The following CPQ variants were observed in gnomAD, a reference collection of about 807,000 sequenced individuals.
CPQ encodes Ser-Met dipeptidase.
CPQ carries 37 observed loss-of-function variants against 45.7 expected under a neutral mutation model. That is an observed-to-expected ratio of 0.81 (90% CI 0.62 to 1.07). The LOEUF is 1.07. Ranked by LOEUF, CPQ falls within the 50% of genes least tolerant of loss-of-function variation. The pLI is 0.00. For synonymous variants in CPQ, 186 were observed against 205.8 expected, an observed-to-expected ratio of 0.90 and a Z score of 0.82; for missense variants, 537 against 572.9, an observed-to-expected ratio of 0.94 and a Z score of 0.64.
intron 7 of CPQ, among the ~76,000 whole-genome samples, chr8:97,071,042 C>T (rs893398831): frequency 4.6e-5 from 7 of 152,170 alleles, no homozygotes; most frequent in African/African-American, 1.2e-4. Flanking sequence ...AATGAGCCCA[C>T]TCTTACTCTA....
At chr8:96,864,276 C>T (rs1811967966) in intron 3 of CPQ, among the ~76,000 whole-genome samples, 1 of 151,996 alleles carries the variant, frequency 6.6e-6, no homozygotes, top group African/African-American at 2.4e-5. Context: ...TCCCCACTCT[C>T]CAGATTTGGC....
chr8:97,010,047 A>G (rs1809457566), intron 5 of CPQ, among the ~76,000 whole-genome samples: 1 of 152,208 alleles, frequency 6.6e-6, no homozygotes. Flanking sequence ...CATAGTAGAT[A>G]CCAGTAGGAA....
chr8:97,133,804 G>C (rs956316498), intron 7 of CPQ, among the ~76,000 whole-genome samples: 15 of 152,216 alleles, frequency 9.9e-5, no homozygotes, highest in Non-Finnish European at 1.8e-4. Flanking sequence ...ACAGTAAGCA[G>C]TGAGTCAAAA....
At chr8:96,727,766 C>T (rs1490639443) in intron 1 of CPQ, among the ~76,000 whole-genome samples, 1 of 152,126 alleles carries the variant, frequency 6.6e-6, no homozygotes, top group African/African-American at 2.4e-5. Flanking sequence ...ATAACACTAT[C>T]AGGAGCAGTG....
chr8:97,062,141 A>G (rs1032696276), intron 6 of CPQ, among the ~76,000 whole-genome samples: 1 of 150,404 alleles, frequency 6.6e-6, no homozygotes, highest in Non-Finnish European at 1.5e-5. Context: ...AGGACCAGGA[A>G]ACACTTAATG....
At chr8:96,773,525 G>T (rs1351190966) in intron 1 of CPQ, among the ~76,000 whole-genome samples, 1 of 152,118 alleles carries the variant, frequency 6.6e-6, no homozygotes, top group East Asian at 1.9e-4. Context: ...AATCAGACCA[G>T]TATAAAGAAA....
chr8:96,665,503 A>G (rs1372572846), intron 1 of CPQ, among the ~76,000 whole-genome samples: 1 of 152,232 alleles, frequency 6.6e-6, no homozygotes, highest in Non-Finnish European at 1.5e-5. Context: ...CTTAACAGAA[A>G]GAGGGAAATC....
At chr8:96,717,925 C>T (rs1009656656) in intron 1 of CPQ, among the ~76,000 whole-genome samples, 2 of 152,204 alleles carry the variant, frequency 1.3e-5, no homozygotes, top group African/African-American at 4.8e-5. Context: ...GTAAGCCCTA[C>T]TTAGCTCCTA....
At chr8:96,896,544 T>G (rs1340993155) in intron 4 of CPQ, among the ~76,000 whole-genome samples, 1 of 152,174 alleles carries the variant, frequency 6.6e-6, no homozygotes, top group Non-Finnish European at 1.5e-5. Context: ...TGTTGATTGT[T>G]TCAATAAAAT....
intron 6 of CPQ, among the ~76,000 whole-genome samples, chr8:97,044,720 C>T (rs1286312922): frequency 6.6e-6 from 1 of 152,204 alleles, no homozygotes; most frequent in Non-Finnish European, 1.5e-5. Flanking sequence ...CCCTCAGCTG[C>T]AGGTCTGTTG....
At chr8:96,876,204 T>C (rs1812143109) in intron 3 of CPQ, among the ~76,000 whole-genome samples, 1 of 151,986 alleles carries the variant, frequency 6.6e-6, no homozygotes, top group Admixed American at 6.6e-5. Context: ...TCTAATCGTT[T>C]TGTGTGTGTA....
At chr8:97,103,208 G>A (rs1231561406) in intron 7 of CPQ, among the ~76,000 whole-genome samples, 20 of 152,084 alleles carry the variant, frequency 1.3e-4, no homozygotes. Context: ...TAAGGAAAAG[G>A]TGACACTCAC....
At chr8:97,018,343 A>C (rs1008681755) in intron 5 of CPQ, among the ~76,000 whole-genome samples, 2 of 152,186 alleles carry the variant, frequency 1.3e-5, no homozygotes, top group African/African-American at 2.4e-5. Flanking sequence ...ACATCCCCCC[A>C]AAAAATCACA....
intron 3 of CPQ, among the ~76,000 whole-genome samples, chr8:96,859,168 G>T (rs1294270105): frequency 6.6e-6 from 1 of 152,212 alleles, no homozygotes; most frequent in Non-Finnish European, 1.5e-5. Context: ...AGTTGCATCA[G>T]AACAGGTTGC....
intron 1 of CPQ, among the ~76,000 whole-genome samples, chr8:96,664,756 A>T (rs1808897942): frequency 6.6e-6 from 1 of 152,224 alleles, no homozygotes; most frequent in Non-Finnish European, 1.5e-5. Flanking sequence ...GCCAAGATTA[A>T]TCTGAAATGG....
At chr8:97,010,274 G>A (rs577301097) in intron 5 of CPQ, among the ~76,000 whole-genome samples, 47 of 152,194 alleles carry the variant, frequency 3.1e-4, no homozygotes, top group African/African-American at 1.1e-3. Context: ...AACGTAAGGG[G>A]GTCTGAGTCA....
chr8:97,042,271 G>C (rs544149180), intron 6 of CPQ, among the ~76,000 whole-genome samples: 1 of 151,826 alleles, frequency 6.6e-6, no homozygotes. Context: ...GTTTATTTGC[G>C]TAAAGGTGTT....
chr8:97,076,102 T>C (rs1810841196), intron 7 of CPQ, among the ~76,000 whole-genome samples: 1 of 152,228 alleles, frequency 6.6e-6, no homozygotes, highest in Non-Finnish European at 1.5e-5. Context: ...CTCAGCTCAC[T>C]GCAACCTCCG....
At chr8:96,683,305 G>C (rs1809176294) in intron 1 of CPQ, among the ~76,000 whole-genome samples, 1 of 151,838 alleles carries the variant, frequency 6.6e-6, no homozygotes, top group African/African-American at 2.4e-5. Flanking sequence ...TAGATGGCAG[G>C]GTTTTTTCTT....
Sources: gnomAD v4.1 joint callset for allele counts (sites outside exome capture counted in the v4.1 genomes callset) on GRCh38, gnomAD v4.1.1 for gene constraint, MANE v1.5 for transcripts, NCBI Gene and HGNC (gene_info 2026-07-23, HGNC 2026-07-21) for gene names.